PRKN: variants seen among roughly 807,000 people sequenced by gnomAD.
PRKN encodes the protein parkin RBR E3 ubiquitin protein ligase, also known as E3 ubiquitin-protein ligase parkin.
Under a neutral mutation model 59.5 loss-of-function variants are expected in PRKN, and 56 were observed. That is an observed-to-expected ratio of 0.94 (90% CI 0.76 to 1.18). The LOEUF is 1.18. Ranked by LOEUF, PRKN falls within the 50% of genes most tolerant of loss-of-function variation. The pLI is 0.00. For missense variants in PRKN, 657 were observed against 596.4 expected (o/e 1.10, Z -1.06); for synonymous variants, 250 against 222.1 (o/e 1.13, Z -1.12).
chr6:161,861,709 T>C (rs758619813), intron 6 of PRKN, among the ~76,000 whole-genome samples: 1 of 152,032 alleles, frequency 6.6e-6, no homozygotes, highest in Non-Finnish European at 1.5e-5. Context: ...CAACTGTCCC[T>C]TGAAATGTCT....
intron 5 of PRKN, among the ~76,000 whole-genome samples, chr6:162,039,326 G>A (rs141014172): frequency 6.6e-5 from 10 of 152,190 alleles, no homozygotes; most frequent in East Asian, 5.8e-4. Flanking sequence ...TGGTTCATTC[G>A]GCCCCACCAA....
At chr6:162,562,516 T>C (rs1779884908) in intron 1 of PRKN, among the ~76,000 whole-genome samples, 1 of 152,134 alleles carries the variant, frequency 6.6e-6, no homozygotes, top group Non-Finnish European at 1.5e-5. Flanking sequence ...ACAAGCTGAC[T>C]TAAGAGCCTT....
At chr6:162,064,823 AC>A (rs1778258368) in intron 4 of PRKN, among the ~76,000 whole-genome samples, 1 of 152,202 alleles carries the variant, frequency 6.6e-6, no homozygotes, top group Non-Finnish European at 1.5e-5. Flanking sequence ...AATAAAGCTG[AC>A]CCAATGTGGT....
chr6:162,155,913 T>A (rs1782491983), intron 4 of PRKN, among the ~76,000 whole-genome samples: 1 of 152,006 alleles, frequency 6.6e-6, no homozygotes, highest in Non-Finnish European at 1.5e-5. Flanking sequence ...TAGAATAAGG[T>A]ACAATGTCTA....
rs528648968 is a variant in PRKN, at chr6:161,475,792, C to A, written c.1083+73062G>T. Among the ~76,000 whole-genome samples the A allele has an allele frequency of 5.9e-5, 9 of 152,138 alleles. No individual in the cohort carries two copies. Among genetic ancestry groups the A allele is most frequent in the Non-Finnish European group, 1.2e-4 (8 of 68,016 alleles). The stretch of plus-strand genomic sequence containing the variant: ...TCCTGGCCTGACTTGTTATTTAATT[C>A]ATTCATAAAGAAACACATATTAAAA... On this transcript the variant is annotated intron_variant, in intron 9 of 11. Transcript: ENST00000366898. The surrounding 1 kb of genome is among the most constrained non-coding windows in gnomAD (Gnocchi z 5.3).
At chr6:162,092,957 A>G (rs1779567050) in intron 4 of PRKN, among the ~76,000 whole-genome samples, 1 of 152,190 alleles carries the variant, frequency 6.6e-6, no homozygotes, top group African/African-American at 2.4e-5. Flanking sequence ...TGTCTGCCTC[A>G]CGCTTAGCTC....
At chr6:161,663,898 A>G (rs1037227052) in intron 7 of PRKN, among the ~76,000 whole-genome samples, 2 of 151,968 alleles carry the variant, frequency 1.3e-5, no homozygotes, top group African/African-American at 4.8e-5. Context: ...CACATGGGGG[A>G]GTGGCTTGGG....
At chr6:161,617,993 T>C (rs1342305037) in intron 7 of PRKN, among the ~76,000 whole-genome samples, 3 of 152,210 alleles carry the variant, frequency 2.0e-5, no homozygotes. Context: ...AATGTGCAGG[T>C]AGAACCAGTG....
intron 4 of PRKN, among the ~76,000 whole-genome samples, chr6:162,164,870 A>ATT (rs1782911402): frequency 6.7e-6 from 1 of 149,008 alleles, no homozygotes; most frequent in Non-Finnish European, 1.5e-5. Context: ...TTTTACATAT[A>ATT]TTAGAAACTA....
rs112436760 is a variant in PRKN at position 161,873,861 on chromosome 6, A to C, written c.735-87953T>G. ...ACAATATATTTAAGACTTTTAAAAG[A>C]CCTGTTTTTTGTTTATATATAAATA... On this transcript the variant is annotated intron_variant, in intron 6 of 11. Coordinates refer to ENST00000366898, the MANE Select transcript of PRKN (RefSeq NM_004562.3). Among the ~76,000 whole-genome samples, 502 of 121,420 alleles carry C rather than the reference A, an allele frequency of 4.1e-3. 51 individuals are homozygous for C. The highest frequency in any genetic ancestry group is 0.016 in the African/African-American group (470 of 29,474). The allele number at this position is 121,420 out of a possible 152,430, so 79.7% of individuals were successfully genotyped here. A position where few individuals can be genotyped will look rare whatever the true frequency, so the allele number is the denominator to read the frequency against.
At chr6:162,359,079 A>AAAAAATATATATATATATATATATATAT (rs57265104) in intron 2 of PRKN, among the ~76,000 whole-genome samples, 1 of 83,274 alleles carries the variant, frequency 1.2e-5, no homozygotes, top group African/African-American at 7.3e-5. Context: ...AAAAAAAAAA[A>AAAAAATATATATATATATATATATATAT]ATATATATAT....
chr6:161,495,876 C>G (rs572234555), intron 9 of PRKN, among the ~76,000 whole-genome samples: 1 of 152,168 alleles, frequency 6.6e-6, no homozygotes, highest in Non-Finnish European at 1.5e-5. Context: ...AGCAGGGAGG[C>G]CTTTCTAATG....
intron 4 of PRKN, among the ~76,000 whole-genome samples, chr6:162,190,721 C>T (rs184232336): frequency 2.0e-5 from 3 of 152,288 alleles, no homozygotes; most frequent in East Asian, 3.9e-4. Context: ...TCCCCTGCCC[C>T]GCACATTTTA....
intron 1 of PRKN, among the ~76,000 whole-genome samples, chr6:162,726,426 T>TA (rs1779193486): frequency 6.6e-6 from 1 of 152,310 alleles, no homozygotes; most frequent in African/African-American, 2.4e-5. Flanking sequence ...AGAAGACTCA[T>TA]AAAAAATATT....
rs551609620 is a variant in PRKN, at chr6:161,356,668, A to G, written c.1285+3420T>C. ...CAGGGTGAGGAAGAGCATGGAATGAAGGATGAGCTTTAGCTTAGCGGCTTG... is the reference window on the plus strand; with the variant it reads ...CAGGGTGAGGAAGAGCATGGAATGAGGGATGAGCTTTAGCTTAGCGGCTTG... On this transcript the variant is annotated intron_variant, in intron 11 of 11. Transcript: ENST00000366898. The surrounding 1 kb of genome is among the most constrained non-coding windows in gnomAD (Gnocchi z 7.8). 6.6e-6 allele frequency among the ~76,000 whole-genome samples: 1 copy of G among 152,214 alleles called. No individual in the cohort carries two copies. The highest frequency in any genetic ancestry group is 2.1e-4 in the South Asian group (1 of 4,826).
At chr6:161,659,830 C>T (rs1166845802) in intron 7 of PRKN, among the ~76,000 whole-genome samples, 2 of 152,164 alleles carry the variant, frequency 1.3e-5, no homozygotes, top group Non-Finnish European at 2.9e-5. Flanking sequence ...GGACTGCTTA[C>T]TATCCACACT....
At chr6:161,968,141 C>A (rs1474889094) in intron 6 of PRKN, among the ~76,000 whole-genome samples, 1 of 151,836 alleles carries the variant, frequency 6.6e-6, no homozygotes, top group Non-Finnish European at 1.5e-5. Flanking sequence ...CTGCCTCAGC[C>A]TCCCGAGTAG....
intron 1 of PRKN, chr6:162,568,444 G>T: frequency 3.3e-6 from 2 of 614,440 alleles, no homozygotes; most frequent in East Asian, 3.1e-5. Context: ...GCAGCTTCCG[G>T]GGGTGGCCTG....
chr6:162,649,656 C>T (rs1778341253), intron 1 of PRKN, among the ~76,000 whole-genome samples: 1 of 150,638 alleles, frequency 6.6e-6, no homozygotes, highest in African/African-American at 2.4e-5. Context: ...AATACTCTGT[C>T]TCAAAAAAAA....
Sources: allele counts gnomAD v4.1 joint callset (sites outside exome capture counted in the v4.1 genomes callset), GRCh38; gene constraint gnomAD v4.1.1; non-coding constraint Gnocchi (gnomAD v3.1); transcripts MANE v1.5; gene names NCBI Gene and HGNC (gene_info 2026-07-23, HGNC 2026-07-21).